Variants in GPX6 observed in about 807,000 individuals in gnomAD.
The protein encoded by GPX6 is glutathione peroxidase 6 (olfactory).
Under a neutral mutation model 20.0 loss-of-function variants are expected in GPX6, and 21 were observed. The observed-to-expected ratio is 1.05, with a 90% CI of 0.74 to 1.51. The LOEUF (loss-of-function observed/expected upper bound fraction) is 1.51. Ranked by LOEUF, GPX6 falls within the 40% of genes most tolerant of loss-of-function variation. GPX6 has a pLI of 0.00. For missense variants in GPX6, 233 were observed against 254.7 expected, an observed-to-expected ratio of 0.91 and a Z score of 0.58; for synonymous variants, 75 against 98.0, an observed-to-expected ratio of 0.77 and a Z score of 1.38.
chr6:28,511,000 A>G (rs1222017596), intron 1 of GPX6, 96 bp from the exon 2 acceptor site: 8 of 1,049,668 alleles, frequency 7.6e-6, no homozygotes, highest in African/African-American at 3.2e-5. Context: ...CCTTCATGTA[A>G]TATCTTGAAA....
chr6:28,504,854 AAG>A (rs1316835010), intron 4 of GPX6, among the ~76,000 whole-genome samples: 1 of 152,194 alleles, frequency 6.6e-6, no homozygotes, highest in African/African-American at 2.4e-5. Context: ...CAGAAAAAAA[AAG>A]AGATTGATTT....
Position 28,505,818 on chromosome 6 carries a change from G to C in GPX6, c.360-16C>G. The stretch of plus-strand genomic sequence containing the variant: ...ACACACATACCTGCAGTGAACCAAA[G>C]TTGTTCCCAGCAAGATACAAATTAA... On this transcript the variant is annotated splice_polypyrimidine_tract_variant and intron_variant, in intron 3 of 4. Coordinates refer to ENST00000361902, the MANE Select transcript of GPX6 (RefSeq NM_182701.1). The C allele has an allele frequency of 6.3e-7, 1 of 1,593,282 alleles. No individual in the cohort carries two copies. Among genetic ancestry groups the C allele is most frequent in the Non-Finnish European group, 8.6e-7 (1 of 1,161,082 alleles).
intron 4 of GPX6, among the ~76,000 whole-genome samples, chr6:28,504,834 G>C (rs945578714): frequency 6.6e-6 from 1 of 151,850 alleles, no homozygotes; most frequent in Non-Finnish European, 1.5e-5. Flanking sequence ...TCTACAGTTC[G>C]TTTCCTTAGC....
intron 2 of GPX6, 130 bp from the exon 3 acceptor site, chr6:28,506,559 C>A: frequency 1.3e-5 from 8 of 624,612 alleles, no homozygotes; most frequent in South Asian, 3.9e-5. Flanking sequence ...TTCAAGGTTA[C>A]AGAGATCAAA....
At chr6:28,507,524 C>T (rs1428597147) in intron 2 of GPX6, among the ~76,000 whole-genome samples, 1 of 152,184 alleles carries the variant, frequency 6.6e-6, no homozygotes, top group African/African-American at 2.4e-5. Flanking sequence ...CACAGCAACA[C>T]AATGGAATAC....
In GPX6 at chr6:28,515,783, C is replaced by T. The variant is rs2113614323; in HGVS notation, c.-40G>A. On this transcript the variant is annotated 5_prime_UTR_variant, in exon 1 of 5. Coordinates refer to ENST00000361902, the MANE Select transcript of GPX6 (RefSeq NM_182701.1). ...GACGACTCTGAGGTCCCCAGGATTT[C>T]AGCCCCTTTTGAGCCCCTGGCAGGG... 6.4e-7 allele frequency: 1 copy of T among 1,560,774 alleles called. No homozygotes were observed. The highest frequency in any genetic ancestry group is 1.4e-5 in the African/African-American group (1 of 73,272).
At chr6:28,504,575 C>T (rs1434413774) in intron 4 of GPX6, 77 bp from the exon 5 acceptor site, 1 of 1,292,150 alleles carries the variant, frequency 7.7e-7, no homozygotes, top group African/African-American at 1.5e-5. Flanking sequence ...ACAGTTTTAT[C>T]TCCAGACTAG....
At chr6:28,514,820 T>C (rs1762994924) in intron 1 of GPX6, among the ~76,000 whole-genome samples, 5 of 152,380 alleles carry the variant, frequency 3.3e-5, no homozygotes, top group African/African-American at 4.8e-5. Flanking sequence ...ACAAAAGATA[T>C]ATAATTGGCA....
chr6:28,508,367 T>C (rs916737621), intron 2 of GPX6, among the ~76,000 whole-genome samples: 12 of 152,192 alleles, frequency 7.9e-5, no homozygotes, highest in African/African-American at 1.2e-4. Context: ...GTAGACACAA[T>C]TGGCAGAACT....
chr6:28,513,522 T>C (rs1762960230), intron 1 of GPX6, among the ~76,000 whole-genome samples: 2 of 152,178 alleles, frequency 1.3e-5, no homozygotes, highest in Admixed American at 1.3e-4. Context: ...GTTTCGCTGG[T>C]ACCTTGAAAA....
chr6:28,512,723 G>A (rs1247856272), intron 1 of GPX6, among the ~76,000 whole-genome samples: 3 of 152,266 alleles, frequency 2.0e-5, no homozygotes, highest in Non-Finnish European at 4.4e-5. Context: ...GGTCCACACT[G>A]CCTTTACAAG....
At chr6:28,508,393 G>A (rs1259555564) in intron 2 of GPX6, among the ~76,000 whole-genome samples, 1 of 152,040 alleles carries the variant, frequency 6.6e-6, no homozygotes, top group Non-Finnish European at 1.5e-5. Context: ...CTATTCCTTT[G>A]GCAAGTTCTT....
chr6:28,504,815 C>T (rs1473868852), intron 4 of GPX6, among the ~76,000 whole-genome samples: 3 of 151,952 alleles, frequency 2.0e-5, no homozygotes, highest in Non-Finnish European at 2.9e-5. Context: ...TTGGGCAAGT[C>T]ATATCATTTC....
At chr6:28,505,411 A>G (rs1762798118) in intron 4 of GPX6, among the ~76,000 whole-genome samples, 1 of 152,234 alleles carries the variant, frequency 6.6e-6, no homozygotes, top group African/African-American at 2.4e-5. Flanking sequence ...GGAACAGACT[A>G]TGCGCTATTA....
At chr6:28,512,354 A>G (rs990437693) in intron 1 of GPX6, among the ~76,000 whole-genome samples, 1 of 152,224 alleles carries the variant, frequency 6.6e-6, no homozygotes, top group African/African-American at 2.4e-5. Context: ...CACACCAATC[A>G]GCACCCTGTG....
intron 1 of GPX6, among the ~76,000 whole-genome samples, chr6:28,511,979 G>A (rs1762886567): frequency 6.6e-6 from 1 of 152,244 alleles, no homozygotes; most frequent in South Asian, 2.1e-4. Context: ...ACCAAGGCCA[G>A]CAGCTGCTGT....
chr6:28,513,104 G>C (rs181851976), intron 1 of GPX6, among the ~76,000 whole-genome samples: 4 of 152,250 alleles, frequency 2.6e-5, no homozygotes, highest in African/African-American at 9.6e-5. Flanking sequence ...CGGGCTCCAG[G>C]GAAAAACCAT....
At chr6:28,513,068 G>A (rs1260676675) in intron 1 of GPX6, among the ~76,000 whole-genome samples, 1 of 152,208 alleles carries the variant, frequency 6.6e-6, no homozygotes, top group Non-Finnish European at 1.5e-5. Flanking sequence ...GAAGGCCATT[G>A]ACAGCGGAAG....
At chr6:28,513,243 C>T (rs1009846485) in intron 1 of GPX6, among the ~76,000 whole-genome samples, 45 of 152,162 alleles carry the variant, frequency 3.0e-4, no homozygotes, top group African/African-American at 9.2e-4. Flanking sequence ...TACAGAAAGT[C>T]CTCTGTCTTT....
Sources: allele counts gnomAD v4.1 joint callset (sites outside exome capture counted in the v4.1 genomes callset), GRCh38; gene constraint gnomAD v4.1.1; transcripts MANE v1.5; gene names NCBI Gene and HGNC (gene_info 2026-07-23, HGNC 2026-07-21).